Variants in RGS18 observed in about 807,000 individuals in gnomAD.
The protein encoded by RGS18 is regulator of G protein signaling 18, also known as regulator of G-protein signaling 18.
Under a neutral mutation model 27.6 loss-of-function variants are expected in RGS18, and 22 were observed. The ratio of observed to expected loss-of-function variants is 0.80; its 90% confidence interval spans 0.57 to 1.14. The LOEUF (loss-of-function observed/expected upper bound fraction) is 1.14, where lower values mean the gene tolerates loss of function less well. Among genes scored for constraint, RGS18 ranks in the 50% most tolerant of loss-of-function variants. The pLI is 0.00. For missense variants in RGS18, 299 were observed against 269.6 expected (o/e 1.11, Z -0.76); for synonymous variants, 89 against 84.6 (o/e 1.05, Z -0.29).
chr1:192,158,696 C>CT lies in RGS18; in HGVS notation c.65dup (p.Lys23GlnfsTer20), dbSNP rs1198437242. On this transcript the variant is annotated frameshift_variant, in exon 1 of 5. Coordinates refer to ENST00000367460, the MANE Select transcript of RGS18 (RefSeq NM_130782.3). LOFTEE classifies it high-confidence loss of function. ...AATATGTGTGAATCAAAAGAAAAAA[C>CT]TTTTTTCAAGTTAATACATGGTTCA... The CT allele has an allele frequency of 6.3e-7, 1 of 1,579,514 alleles. No homozygotes were observed. The highest frequency in any genetic ancestry group is 8.6e-7 in the Non-Finnish European group (1 of 1,168,138).
chr1:192,164,354 G>T (rs928903521), intron 3 of RGS18, among the ~76,000 whole-genome samples: 1 of 152,116 alleles, frequency 6.6e-6, no homozygotes, highest in African/African-American at 2.4e-5. Flanking sequence ...AAAAGGGATG[G>T]TGGCTTAGGG....
At position 192,158,763 on chromosome 1, in the gene RGS18, T is replaced by A. The variant is rs760090098; in HGVS notation, c.119+7T>A. The A allele has an allele frequency of 2.0e-6, 3 of 1,522,160 alleles. No individual in the cohort carries two copies. The South Asian group carries it at 3.8e-5, about 19-fold the overall frequency. 94.3% of individuals were successfully genotyped at this position (1,522,160 alleles called of 1,614,324 possible). ...GCAAAGAAGCCAAAATCAGGTAAAA[T>A]TGTACAATTTTAAGTCAGCCTTATA... On this transcript the variant is annotated splice_region_variant and intron_variant, in intron 1 of 4. Transcript: ENST00000367460.
At chr1:192,171,172 TG>T (rs1359229575) in intron 3 of RGS18, among the ~76,000 whole-genome samples, 1 of 152,110 alleles carries the variant, frequency 6.6e-6, no homozygotes, top group Admixed American at 6.6e-5. Flanking sequence ...AAAGAACCAT[TG>T]TTCATTTATA....
At chr1:192,160,690 T>G in intron 3 of RGS18, 1 of 394,700 alleles carries the variant, frequency 2.5e-6, no homozygotes, top group Non-Finnish European at 4.5e-6. Context: ...CTAGTTTCAG[T>G]TTTTAAATTT....
chr1:192,172,330 G>T (rs539199503), intron 3 of RGS18, among the ~76,000 whole-genome samples: 2 of 152,024 alleles, frequency 1.3e-5, no homozygotes, highest in South Asian at 2.1e-4. Context: ...TCGTTCCCTC[G>T]AGAGTAGGTT....
intron 4 of RGS18, 89 bp downstream of exon 4, chr1:192,181,547 C>A (rs1252814995): frequency 5.6e-6 from 5 of 887,618 alleles, no homozygotes; most frequent in Non-Finnish European, 4.9e-6. Flanking sequence ...ATTTTTCCAA[C>A]TTATTTTTAT....
chr1:192,182,958 G>GT (rs1026887305), intron 4 of RGS18, among the ~76,000 whole-genome samples: 2 of 151,600 alleles, frequency 1.3e-5, no homozygotes, highest in African/African-American at 4.8e-5. Flanking sequence ...AACTAGGCAA[G>GT]TTTTCAAGTG....
chr1:192,168,442 A>G (rs1327070603), intron 3 of RGS18: 1 of 152,154 alleles, frequency 6.6e-6, no homozygotes, highest in African/African-American at 2.4e-5. Flanking sequence ...TTTTCTTGAT[A>G]TTAGTACGCT....
intron 3 of RGS18, among the ~76,000 whole-genome samples, chr1:192,162,460 C>A (rs1055105380): frequency 6.6e-6 from 1 of 152,036 alleles, no homozygotes; most frequent in Non-Finnish European, 1.5e-5. Context: ...AGACACAGGC[C>A]ACCACACCTG....
chr1:192,172,424 A>G (rs970108131), intron 3 of RGS18, among the ~76,000 whole-genome samples: 2 of 151,994 alleles, frequency 1.3e-5, no homozygotes, highest in African/African-American at 4.8e-5. Flanking sequence ...TTGACCCAGC[A>G]CAAAACCCTC....
At chr1:192,174,798 C>T (rs1656330771) in intron 3 of RGS18, among the ~76,000 whole-genome samples, 1 of 151,764 alleles carries the variant, frequency 6.6e-6, no homozygotes, top group Non-Finnish European at 1.5e-5. Context: ...TTTAATGTGT[C>T]TCTTGTTGCC....
intron 4 of RGS18, among the ~76,000 whole-genome samples, chr1:192,182,251 T>G (rs1228725581): frequency 6.6e-6 from 1 of 151,604 alleles, no homozygotes; most frequent in Non-Finnish European, 1.5e-5. Context: ...ATTTTTAATT[T>G]TTGAGGAACC....
chr1:192,162,936 G>A (rs1037820766), intron 3 of RGS18, among the ~76,000 whole-genome samples: 1 of 152,174 alleles, frequency 6.6e-6, no homozygotes, highest in African/African-American at 2.4e-5. Flanking sequence ...CTTTTCATCT[G>A]TGGATTCCTA....
At chr1:192,164,875 ATTG>A (rs1321077980) in intron 3 of RGS18, among the ~76,000 whole-genome samples, 1 of 152,198 alleles carries the variant, frequency 6.6e-6, no homozygotes, top group Non-Finnish European at 1.5e-5. Context: ...CCCTGTGATG[ATTG>A]CGTTAACTGT....
intron 4 of RGS18, 38 bp from the exon 5 acceptor site, chr1:192,184,259 A>G (rs796888392): frequency 6.3e-7 from 1 of 1,578,960 alleles, no homozygotes; most frequent in Non-Finnish European, 8.7e-7. Flanking sequence ...TTATATAAGC[A>G]TATTAACTAT....
At chr1:192,182,420 C>T (rs1055128386) in intron 4 of RGS18, among the ~76,000 whole-genome samples, 3 of 151,496 alleles carry the variant, frequency 2.0e-5, no homozygotes, top group Admixed American at 6.6e-5. Context: ...ATGGTTTCTA[C>T]GTGCATATCC....
At chr1:192,166,876 T>C (rs142715992) in intron 3 of RGS18, among the ~76,000 whole-genome samples, 76 of 152,306 alleles carry the variant, frequency 5.0e-4, no homozygotes, top group Admixed American at 2.2e-3. Context: ...GGCTGACTTA[T>C]AGAAAGAGAT....
chr1:192,172,786 G>A (rs1244759631), intron 3 of RGS18, among the ~76,000 whole-genome samples: 1 of 150,560 alleles, frequency 6.6e-6, no homozygotes, highest in African/African-American at 2.4e-5. Flanking sequence ...ACAGTTCCTG[G>A]AGATTAGGGC....
At chr1:192,172,201 G>A (rs966331206) in intron 3 of RGS18, among the ~76,000 whole-genome samples, 1 of 151,986 alleles carries the variant, frequency 6.6e-6, no homozygotes. Flanking sequence ...TTGGGAGGGG[G>A]CACCTAGGGG....
Sources: gnomAD v4.1 joint callset for allele counts (sites outside exome capture counted in the v4.1 genomes callset) on GRCh38, gnomAD v4.1.1 for gene constraint, MANE v1.5 for transcripts, NCBI Gene and HGNC (gene_info 2026-07-23, HGNC 2026-07-21) for gene names.